CEP128: variants seen among roughly 807,000 people sequenced by gnomAD.
CEP128 encodes centrosomal protein 128.
Under a neutral mutation model 156.7 loss-of-function variants are expected in CEP128, and 132 were observed. The ratio of observed to expected loss-of-function variants is 0.84; its 90% CI spans 0.73 to 0.97. The LOEUF (loss-of-function observed/expected upper bound fraction) is 0.97, where lower values mean the gene tolerates loss of function less well. Ranked by LOEUF, CEP128 falls within the 50% of genes least tolerant of loss-of-function variation. The pLI is 0.00. For synonymous variants in CEP128, 469 were observed against 448.9 expected, an observed-to-expected ratio of 1.04 and a Z score of -0.57; for missense variants, 1,252 against 1,281.9, an observed-to-expected ratio of 0.98 and a Z score of 0.36.
At chr14:80,918,577 A>G (rs112878651) in intron 2 of CEP128, among the ~76,000 whole-genome samples, 3 of 152,334 alleles carry the variant, frequency 2.0e-5, no homozygotes, top group African/African-American at 7.2e-5. Context: ...ATGCAAACCC[A>G]AGATTCAGCT....
rs553760967 is a variant in CEP128, at chr14:80,700,530, C to G, written c.2806+42545G>C. 2.0e-3 allele frequency among the ~76,000 whole-genome samples: 304 copies of G among 150,866 alleles called. 1 individual carries two copies. The highest frequency in any genetic ancestry group is 7.0e-3 in the African/African-American group (281 of 40,238). On this transcript the variant is annotated intron_variant, in intron 19 of 24. Coordinates refer to ENST00000555265, the MANE Select transcript of CEP128 (RefSeq NM_152446.5). Reference sequence around the variant, plus strand: ...CTATCACGTTATTCATTGACCCCCCCCAAAAAAGCCATATTTCAGAGACCA... The same window carrying G: ...CTATCACGTTATTCATTGACCCCCCGCAAAAAAGCCATATTTCAGAGACCA...
intron 18 of CEP128, among the ~76,000 whole-genome samples, chr14:80,751,837 G>T (rs1288232941): frequency 6.6e-6 from 1 of 151,998 alleles, no homozygotes; most frequent in Non-Finnish European, 1.5e-5. Flanking sequence ...CGTCATGTTG[G>T]TCAGGCTGGT....
intron 16 of CEP128, among the ~76,000 whole-genome samples, chr14:80,765,841 C>T (rs1042991985): frequency 6.6e-6 from 1 of 152,192 alleles, no homozygotes; most frequent in South Asian, 2.1e-4. Flanking sequence ...TTAAATACAA[C>T]CCCATAACCT....
intron 19 of CEP128, 67 bp downstream of exon 19, chr14:80,743,008 T>A (rs572332596): frequency 6.9e-7 from 1 of 1,454,672 alleles, no homozygotes; most frequent in East Asian, 2.3e-5. Flanking sequence ...GTAGGTTTTT[T>A]TCCAATCCTA....
chr14:80,598,807 A>G (rs1337382796), intron 19 of CEP128, among the ~76,000 whole-genome samples: 1 of 152,190 alleles, frequency 6.6e-6, no homozygotes, highest in Admixed American at 6.5e-5. Context: ...AAGTAATTGA[A>G]CAGAATAGAA....
At chr14:80,831,486 T>C (rs1341080129) in intron 12 of CEP128, among the ~76,000 whole-genome samples, 192 bp from the exon 13 acceptor site, 3 of 152,094 alleles carry the variant, frequency 2.0e-5, no homozygotes, top group Non-Finnish European at 4.4e-5. Context: ...TGCTATATCA[T>C]CAAATATTAT....
chr14:80,681,372 G>T (rs1459497394), intron 19 of CEP128, among the ~76,000 whole-genome samples: 1 of 152,152 alleles, frequency 6.6e-6, no homozygotes, highest in Non-Finnish European at 1.5e-5. Context: ...ACCACCAATA[G>T]ATCACATTAG....
intron 20 of CEP128, among the ~76,000 whole-genome samples, chr14:80,566,525 C>A (rs1301939952): frequency 5.9e-5 from 9 of 151,988 alleles, no homozygotes; most frequent in Non-Finnish European, 1.3e-4. Flanking sequence ...AAAATCAAGA[C>A]AAAAATCACT....
intron 19 of CEP128, among the ~76,000 whole-genome samples, chr14:80,696,841 C>T (rs981294577): frequency 6.6e-6 from 1 of 152,172 alleles, no homozygotes; most frequent in South Asian, 2.1e-4. Flanking sequence ...TAAAGTAGAA[C>T]CTAGATGGAA....
chr14:80,906,868 G>A (rs1234290171), intron 4 of CEP128, among the ~76,000 whole-genome samples: 1 of 152,134 alleles, frequency 6.6e-6, no homozygotes, highest in Non-Finnish European at 1.5e-5. Context: ...CTGAATTGCT[G>A]GGAAACTTCG....
At chr14:80,686,405 T>A (rs552318534) in intron 19 of CEP128, among the ~76,000 whole-genome samples, 4 of 152,048 alleles carry the variant, frequency 2.6e-5, no homozygotes, top group Non-Finnish European at 5.9e-5. Context: ...CTGGCCTGCC[T>A]TGCAAGAGCT....
intron 12 of CEP128, among the ~76,000 whole-genome samples, chr14:80,834,951 T>C (rs1885997473): frequency 6.6e-6 from 1 of 152,198 alleles, no homozygotes; most frequent in Non-Finnish European, 1.5e-5. Context: ...TGTTAGGAGA[T>C]GGGGCCTACT....
chr14:80,945,984 A>C (rs528499438), upstream of CEP128, among the ~76,000 whole-genome samples: 37 of 152,284 alleles, frequency 2.4e-4, no homozygotes, highest in African/African-American at 8.4e-4. Flanking sequence ...GACCCAAACC[A>C]CTTGGATTCA....
intron 9 of CEP128, among the ~76,000 whole-genome samples, chr14:80,857,721 A>G (rs1887260462): frequency 6.7e-6 from 1 of 149,844 alleles, no homozygotes; most frequent in South Asian, 2.2e-4. Flanking sequence ...TGGGCAACAG[A>G]GTGACCCCAT....
chr14:80,951,717 G>A (rs568655340), intron 2 of CEP128, among the ~76,000 whole-genome samples: 4 of 152,056 alleles, frequency 2.6e-5, no homozygotes, highest in East Asian at 1.9e-4. Flanking sequence ...AGGCAGAGAC[G>A]GCGAGACTGA....
At chr14:80,577,697 G>T (rs897600995) in intron 20 of CEP128, among the ~76,000 whole-genome samples, 3 of 152,078 alleles carry the variant, frequency 2.0e-5, no homozygotes, top group African/African-American at 7.2e-5. Context: ...TTACAGCCAG[G>T]TATCTATTTA....
chr14:80,489,357 G>A (rs567433540), downstream of CEP128, among the ~76,000 whole-genome samples: 27 of 149,598 alleles, frequency 1.8e-4, no homozygotes, highest in African/African-American at 4.9e-4. Context: ...ATTGCATTAC[G>A]AAAAGGATAA....
At chr14:80,722,014 G>A (rs905082997) in intron 19 of CEP128, among the ~76,000 whole-genome samples, 5 of 152,112 alleles carry the variant, frequency 3.3e-5, no homozygotes, top group African/African-American at 1.2e-4. Context: ...ATAGTTTTAC[G>A]GAAGGATATA....
Position 80,725,019 on chromosome 14 carries a change from G to GATATATAT in CEP128, c.2806+18048_2806+18055dup, listed in dbSNP as rs563908140. 2.0e-3 allele frequency among the ~76,000 whole-genome samples: 275 copies of GATATATAT among 138,836 alleles called. 2 individuals are homozygous for GATATATAT. Among genetic ancestry groups the GATATATAT allele is most frequent in the African/African-American group, 6.8e-3 (257 of 37,908 alleles). The allele number at this position is 138,836 out of a possible 152,430, so 91.1% of individuals were successfully genotyped here. A position where few individuals can be genotyped will look rare whatever the true frequency, so the allele number is the denominator to read the frequency against. ...ATATCATATATATATATACATATAT[G>GATATATAT]ATATATATATATATATATGTCAGTG... On this transcript the variant is annotated intron_variant, in intron 19 of 24. Coordinates refer to ENST00000555265, the MANE Select transcript of CEP128 (RefSeq NM_152446.5).
Sources: allele counts gnomAD v4.1 joint callset (sites outside exome capture counted in the v4.1 genomes callset), GRCh38; gene constraint gnomAD v4.1.1; transcripts MANE v1.5; gene names NCBI Gene and HGNC (gene_info 2026-07-23, HGNC 2026-07-21).